Variants in FBXW11 observed in about 807,000 individuals in gnomAD.
The protein encoded by FBXW11 is F-box/WD repeat-containing protein 11.
FBXW11 carries 19 observed loss-of-function variants against 77.6 expected under a neutral mutation model. That is an observed-to-expected ratio of 0.24 (90% CI 0.17 to 0.36). FBXW11 has a LOEUF of 0.36. FBXW11 is among the 10% of genes least tolerant of loss of function. The pLI is 1.00. For missense variants in FBXW11, 334 were observed against 704.2 expected (o/e 0.47, Z 5.95); for synonymous variants, 235 against 249.4 (o/e 0.94, Z 0.54).
At position 171,889,572 on chromosome 5, in the gene FBXW11, G is replaced by C. The variant is rs549109140; in HGVS notation, c.852+1895C>G. Reference sequence around the variant, plus strand: ...AATTAAAATCTTTTGCTCCATTAAAGAGATCATTAAGAAAATGAGAAAATG... The same window carrying C: ...AATTAAAATCTTTTGCTCCATTAAACAGATCATTAAGAAAATGAGAAAATG... On this transcript the variant is annotated intron_variant, in intron 7 of 13. Transcript: ENST00000517395. 9.0e-4 allele frequency among the ~76,000 whole-genome samples: 134 copies of C among 149,438 alleles called. 3 individuals carry two copies. In the South Asian group the frequency reaches 0.012, roughly 14 times the overall value.
At chr5:171,868,528 C>T (rs997264568) in intron 13 of FBXW11, 82 bp downstream of exon 13, 16 of 1,220,224 alleles carry the variant, frequency 1.3e-5, no homozygotes, top group Non-Finnish European at 1.7e-5. Context: ...CACACATCAC[C>T]AAGGAACCCA....
intron 1 of FBXW11, among the ~76,000 whole-genome samples, chr5:171,990,070 G>T (rs142596067): frequency 6.6e-6 from 1 of 152,034 alleles, no homozygotes; most frequent in East Asian, 1.9e-4. Flanking sequence ...AACAAAAAAG[G>T]GAGGTAGGGA....
At chr5:171,952,694 C>CCCA (rs1763409538) in intron 2 of FBXW11, among the ~76,000 whole-genome samples, 1 of 150,858 alleles carries the variant, frequency 6.6e-6, no homozygotes, top group South Asian at 2.1e-4. Context: ...AAGTGATCCG[C>CCCA]CCACCTCGGC....
rs187181739 is a variant in FBXW11 at position 171,890,612 on chromosome 5, C to T, written c.852+855G>A. ...CACTTACCATATGAGCCAGTAACCC[C>T]ACTCCTCAGTTTTCACGCAATGAAC... On this transcript the variant is annotated intron_variant, in intron 7 of 13. Coordinates refer to ENST00000517395, the MANE Select transcript of FBXW11 (RefSeq NM_001378974.1). 8.5e-5 allele frequency among the ~76,000 whole-genome samples: 13 copies of T among 152,262 alleles called. No individual in the cohort carries two copies. In the East Asian group the frequency reaches 2.5e-3, roughly 29 times the overall value.
chr5:171,870,599 C>G, intron 11 of FBXW11, 149 bp downstream of exon 11: 1 of 563,546 alleles, frequency 1.8e-6, no homozygotes. Context: ...GTGTCCTCAC[C>G]TAAACAACAG....
At chr5:171,997,231 T>C (rs1348076067) in intron 1 of FBXW11, among the ~76,000 whole-genome samples, 4 of 152,190 alleles carry the variant, frequency 2.6e-5, no homozygotes, top group Non-Finnish European at 2.9e-5. Flanking sequence ...CACCTCTGTG[T>C]TGAAAGGATA....
intron 8 of FBXW11, among the ~76,000 whole-genome samples, chr5:171,877,283 T>C (rs1758154523): frequency 6.6e-6 from 1 of 152,136 alleles, no homozygotes; most frequent in Non-Finnish European, 1.5e-5. Flanking sequence ...AGAAGGAGGC[T>C]TGTTGGCTGA....
At chr5:171,949,130 A>G (rs1202819031) in intron 2 of FBXW11, among the ~76,000 whole-genome samples, 2 of 152,222 alleles carry the variant, frequency 1.3e-5, no homozygotes, top group African/African-American at 4.8e-5. Context: ...TCAGTAAGAC[A>G]CTTTCAAACT....
intron 9 of FBXW11, among the ~76,000 whole-genome samples, chr5:171,875,250 TAAAAAAAAAAA>T (rs55689036): frequency 3.4e-5 from 5 of 148,106 alleles, no homozygotes; most frequent in African/African-American, 1.1e-4. Flanking sequence ...TCTGTACTTT[TAAAAAAAAAAA>T]AAAAAAAAAG....
intron 1 of FBXW11, among the ~76,000 whole-genome samples, chr5:171,986,644 T>C (rs1765459365): frequency 6.6e-6 from 1 of 151,134 alleles, no homozygotes. Context: ...GGAGAATCGC[T>C]TGAACCTAGG....
chr5:171,966,238 A>C (rs1484249590), intron 1 of FBXW11, among the ~76,000 whole-genome samples: 1 of 152,168 alleles, frequency 6.6e-6, no homozygotes, highest in Non-Finnish European at 1.5e-5. Flanking sequence ...TTAAACATCC[A>C]CAGTTTAAAA....
At chr5:171,935,675 C>T (rs1049914099) in intron 2 of FBXW11, among the ~76,000 whole-genome samples, 1 of 151,900 alleles carries the variant, frequency 6.6e-6, no homozygotes, top group African/African-American at 2.4e-5. Context: ...AAACAACACA[C>T]CAAGCAAGGC....
At chr5:171,999,480 G>A (rs1294671374) in intron 1 of FBXW11, among the ~76,000 whole-genome samples, 1 of 151,472 alleles carries the variant, frequency 6.6e-6, no homozygotes, top group Non-Finnish European at 1.5e-5. Flanking sequence ...CCTAATTGCT[G>A]GCAGGCCTTA....
intron 2 of FBXW11, among the ~76,000 whole-genome samples, chr5:171,940,944 ACT>A (rs1762720592): frequency 1.3e-5 from 2 of 152,062 alleles, no homozygotes; most frequent in Admixed American, 1.3e-4. Flanking sequence ...AACTTTAAAC[ACT>A]CTGACCATCG....
At chr5:171,896,228 A>C (rs1759737523) in intron 6 of FBXW11, among the ~76,000 whole-genome samples, 3 of 152,198 alleles carry the variant, frequency 2.0e-5, no homozygotes, top group Admixed American at 2.0e-4. Context: ...GTGGAGGAAG[A>C]AGGAAAAAAA....
chr5:171,902,302 T>A (rs376496303), intron 4 of FBXW11, among the ~76,000 whole-genome samples: 1 of 152,238 alleles, frequency 6.6e-6, no homozygotes, highest in South Asian at 2.1e-4. Flanking sequence ...CATAAAGTTG[T>A]ATTGCAATTT....
intron 1 of FBXW11, among the ~76,000 whole-genome samples, chr5:171,987,958 C>G (rs7736660): frequency 0.026 from 3,992 of 152,026 alleles, 165 homozygotes; most frequent in African/African-American, 0.091. Context: ...AGTACATGCT[C>G]AATAATGAAT....
At chr5:171,915,953 G>A (rs1761205235) in intron 2 of FBXW11, among the ~76,000 whole-genome samples, 1 of 151,950 alleles carries the variant, frequency 6.6e-6, no homozygotes, top group African/African-American at 2.4e-5. Flanking sequence ...CATGGATGAA[G>A]CTGGAAACCA....
chr5:171,867,379 C>A (rs1757466204), intron 13 of FBXW11, among the ~76,000 whole-genome samples: 1 of 150,358 alleles, frequency 6.7e-6, no homozygotes, highest in Admixed American at 6.6e-5. Context: ...TTAATTACTG[C>A]ATGTCATGAA....
Sources: gnomAD v4.1 joint callset for allele counts (sites outside exome capture counted in the v4.1 genomes callset) on GRCh38, gnomAD v4.1.1 for gene constraint, MANE v1.5 for transcripts, NCBI Gene and HGNC (gene_info 2026-07-23, HGNC 2026-07-21) for gene names.